Variants in FRMD6 observed in about 807,000 individuals in gnomAD.
FRMD6 encodes the protein FERM domain-containing protein 6.
Under a neutral mutation model 73.2 loss-of-function variants are expected in FRMD6, and 37 were observed. The observed-to-expected ratio is 0.51, with a 90% CI of 0.39 to 0.66. The LOEUF is 0.66. Among genes scored for constraint, FRMD6 ranks in the 30% least tolerant of loss-of-function variants. The pLI is 0.00. For synonymous variants in FRMD6, 273 were observed against 282.2 expected (o/e 0.97, Z 0.33); for missense variants, 714 against 780.5 (o/e 0.91, Z 1.02).
chr14:51,708,143 T>A lies in FRMD6; in HGVS notation c.624T>A (p.Phe208Leu). 1 of 1,613,380 alleles carries A rather than the reference T, an allele frequency of 6.2e-7. No individual in the cohort carries two copies. ...KHIPNMHKDQ[F>L]ALTASEAHLK... is the part of the protein sequence containing the mutation. The stretch of plus-strand genomic sequence containing the variant: ...TTCCAAACATGCACAAAGATCAGTT[T>A]GCACTAACAGCTTCCGAAGCTCATC... Residue 208 changes from phenylalanine to leucine, a missense_variant, in exon 7 of 14, where the codon TTT becomes TTA. Physicochemically the swap from Phe to Leu is conservative, Grantham distance 22. Coordinates refer to ENST00000344768, the MANE Select transcript of FRMD6 (RefSeq NM_001267046.2).
chr14:51,512,667 G>A (rs938714660), intron 1 of FRMD6, among the ~76,000 whole-genome samples: 2 of 151,862 alleles, frequency 1.3e-5, no homozygotes, highest in East Asian at 1.9e-4. Context: ...CTGGGACACA[G>A]CACAAATCGG....
At chr14:51,696,645 C>T (rs1223865461) in intron 2 of FRMD6, among the ~76,000 whole-genome samples, 2 of 151,702 alleles carry the variant, frequency 1.3e-5, no homozygotes, top group African/African-American at 4.8e-5. Flanking sequence ...GGCATGGTGT[C>T]TCATCCCTGT....
chr14:51,470,881 C>G, the FRMD6 span, among the ~76,000 whole-genome samples: 1 of 152,118 alleles, frequency 6.6e-6, no homozygotes, highest in Non-Finnish European at 1.5e-5. Context: ...ATATTTCATT[C>G]ATTAAAATTT....
intron 1 of FRMD6, among the ~76,000 whole-genome samples, chr14:51,670,577 T>C (rs1893933143): frequency 6.6e-6 from 1 of 152,162 alleles, no homozygotes; most frequent in Non-Finnish European, 1.5e-5. Context: ...AGATTAGTTA[T>C]GGGAGAATCA....
intron 3 of FRMD6, among the ~76,000 whole-genome samples, chr14:51,698,872 T>A (rs1896114662): frequency 6.6e-6 from 1 of 152,054 alleles, no homozygotes; most frequent in African/African-American, 2.4e-5. Context: ...CTAAAGCCAT[T>A]TATTATAAGC....
the FRMD6 span, among the ~76,000 whole-genome samples, chr14:51,446,108 T>C: frequency 1.3e-5 from 2 of 152,314 alleles, no homozygotes; most frequent in African/African-American, 4.8e-5. Flanking sequence ...CTACACTGTC[T>C]TGCAGAAATT....
chr14:51,653,125 C>T (rs1381393046), intron 1 of FRMD6, among the ~76,000 whole-genome samples: 1 of 152,214 alleles, frequency 6.6e-6, no homozygotes, highest in Non-Finnish European at 1.5e-5. Flanking sequence ...CAAGCGTTCT[C>T]AGGTTGCTTC....
Position 51,715,375 on chromosome 14 carries a change from C to T in FRMD6, c.900C>T (p.Leu300=), listed in dbSNP as rs774113399. The T allele has an allele frequency of 4.3e-6, 7 of 1,611,942 alleles. No individual in the cohort carries two copies. In the South Asian group the frequency reaches 4.4e-5, roughly 10 times the overall value. Residue 300 remains leucine, a synonymous_variant, in exon 10 of 14, where the codon CTC becomes CTT. Coordinates refer to ENST00000344768, the MANE Select transcript of FRMD6 (RefSeq NM_001267046.2). ...LPDGLPSARK[L]IYYTGCPMRS... ...ATGGCTTGCCTTCTGCCCGGAAGCT[C>T]ATATACTACACGGGGTGCCCCATGC...
At chr14:51,693,106 G>T (rs1235713345) in intron 2 of FRMD6, among the ~76,000 whole-genome samples, 2 of 152,080 alleles carry the variant, frequency 1.3e-5, no homozygotes, top group Non-Finnish European at 2.9e-5. Flanking sequence ...AAAACACATG[G>T]ATATACTTAA....
At chr14:51,646,033 G>A (rs1041045666) in intron 2 of FRMD6, among the ~76,000 whole-genome samples, 4 of 151,854 alleles carry the variant, frequency 2.6e-5, no homozygotes, top group Non-Finnish European at 5.9e-5. Flanking sequence ...AAACACTGAA[G>A]AGAGGCCGGG....
At chr14:51,631,295 G>A (rs191987947) in intron 2 of FRMD6, among the ~76,000 whole-genome samples, 2 of 152,278 alleles carry the variant, frequency 1.3e-5, no homozygotes. Context: ...GAAGTTACAG[G>A]GCACTTGGAG....
chr14:51,705,231 C>T (rs192338616), intron 6 of FRMD6, among the ~76,000 whole-genome samples: 7 of 152,112 alleles, frequency 4.6e-5, no homozygotes, highest in Admixed American at 2.0e-4. Flanking sequence ...CTACTCTTAC[C>T]GAAGCAGTAT....
At chr14:51,407,875 C>T in the FRMD6 span, among the ~76,000 whole-genome samples, 16 of 151,994 alleles carry the variant, frequency 1.1e-4, no homozygotes, top group Admixed American at 1.0e-3. Flanking sequence ...ATCATAAATG[C>T]TTTATATATG....
intron 11 of FRMD6, among the ~76,000 whole-genome samples, chr14:51,721,455 C>T (rs1163742979): frequency 6.6e-6 from 1 of 152,048 alleles, no homozygotes; most frequent in Non-Finnish European, 1.5e-5. Context: ...GCTAAAAATA[C>T]AAAAATTGGA....
At chr14:51,699,905 T>A (rs1896193295) in intron 3 of FRMD6, among the ~76,000 whole-genome samples, 1 of 151,684 alleles carries the variant, frequency 6.6e-6, no homozygotes, top group Non-Finnish European at 1.5e-5. Flanking sequence ...GAGATAGTGT[T>A]AGTTGACCTA....
the FRMD6 span, among the ~76,000 whole-genome samples, chr14:51,399,767 T>C: frequency 6.6e-6 from 1 of 152,150 alleles, no homozygotes. Context: ...ATTGATTGAC[T>C]CTCATAGAAT....
intron 1 of FRMD6, among the ~76,000 whole-genome samples, chr14:51,527,086 C>A (rs1236246094): frequency 1.3e-5 from 2 of 152,254 alleles, no homozygotes; most frequent in African/African-American, 2.4e-5. Context: ...TGTGCTTCAA[C>A]CTCTCTGTCT....
chr14:51,570,126 G>T (rs564484122), intron 1 of FRMD6, among the ~76,000 whole-genome samples: 1 of 152,046 alleles, frequency 6.6e-6, no homozygotes, highest in Non-Finnish European at 1.5e-5. Context: ...ATGAGCCACC[G>T]TGCCCGGCGG....
At chr14:51,623,270 T>G (rs1029621409) in intron 2 of FRMD6, among the ~76,000 whole-genome samples, 3 of 152,186 alleles carry the variant, frequency 2.0e-5, no homozygotes, top group Admixed American at 2.0e-4. Flanking sequence ...TGTTAAGAAA[T>G]GAAATGAGAT....
Sources: allele counts gnomAD v4.1 joint callset (sites outside exome capture counted in the v4.1 genomes callset), GRCh38; gene constraint gnomAD v4.1.1; transcripts MANE v1.5; gene names NCBI Gene and HGNC (gene_info 2026-07-23, HGNC 2026-07-21).